The following RBFOX3 variants were observed in gnomAD, a reference collection of about 807,000 sequenced individuals.
RBFOX3 encodes RNA binding fox-1 homolog 3, also known as RNA binding protein fox-1 homolog 3.
Under a neutral mutation model 48.7 loss-of-function variants are expected in RBFOX3, and 17 were observed. The ratio of observed to expected loss-of-function variants is 0.35; its 90% CI spans 0.24 to 0.52. The LOEUF is 0.52. Among genes scored for constraint, RBFOX3 ranks in the 20% least tolerant of loss-of-function variants. The pLI is 0.94. For synonymous variants in RBFOX3, 212 were observed against 209.5 expected (o/e 1.01, Z -0.10); for missense variants, 382 against 497.5 (o/e 0.77, Z 2.21).
At chr17:79,605,281 G>T (rs995576393) in intron 1 of RBFOX3, among the ~76,000 whole-genome samples, 62 of 152,194 alleles carry the variant, frequency 4.1e-4, no homozygotes, top group African/African-American at 1.5e-3. Flanking sequence ...TACATGTTAT[G>T]ATCTCAACTG....
chr17:79,622,766 C>T, the RBFOX3 span, among the ~76,000 whole-genome samples: 4 of 152,226 alleles, frequency 2.6e-5, no homozygotes, highest in Admixed American at 1.3e-4. Context: ...TCTCCAAACA[C>T]GGTCACACGC....
At chr17:79,446,936 G>C (rs1229619043) in intron 2 of RBFOX3, among the ~76,000 whole-genome samples, 1 of 152,192 alleles carries the variant, frequency 6.6e-6, no homozygotes, top group East Asian at 1.9e-4. Flanking sequence ...GAGAAGCCAA[G>C]GACTCTCCTG....
At chr17:79,497,514 T>C (rs1363066615) in intron 1 of RBFOX3, among the ~76,000 whole-genome samples, 1 of 152,202 alleles carries the variant, frequency 6.6e-6, no homozygotes, top group East Asian at 1.9e-4. Flanking sequence ...GAGACCTGCC[T>C]CGGTGAGTTT....
At chr17:79,309,721 G>A (rs901696376) in intron 2 of RBFOX3, among the ~76,000 whole-genome samples, 8 of 152,140 alleles carry the variant, frequency 5.3e-5, no homozygotes, top group Admixed American at 2.0e-4. Context: ...GGATCATGGC[G>A]GCAGTTTCCC....
At chr17:79,641,279 T>C in the RBFOX3 span, among the ~76,000 whole-genome samples, 1 of 152,284 alleles carries the variant, frequency 6.6e-6, no homozygotes, top group Middle Eastern at 3.4e-3. Flanking sequence ...AGGATGGCTA[T>C]TATCAAAAAG....
At chr17:79,663,586 G>T in the RBFOX3 span, among the ~76,000 whole-genome samples, 2 of 152,068 alleles carry the variant, frequency 1.3e-5, no homozygotes, top group African/African-American at 4.8e-5. Flanking sequence ...TTGCCACTTC[G>T]CCCAGACCTC....
intron 3 of RBFOX3, among the ~76,000 whole-genome samples, chr17:79,251,720 T>C (rs2063986206): frequency 6.6e-6 from 1 of 152,188 alleles, no homozygotes. Flanking sequence ...GTCGGCTGCA[T>C]GGCAGGTTCC....
At chr17:79,227,189 G>GT (rs2060407123) in intron 4 of RBFOX3, among the ~76,000 whole-genome samples, 1 of 152,220 alleles carries the variant, frequency 6.6e-6, no homozygotes, top group African/African-American at 2.4e-5. Context: ...GAGACCACCA[G>GT]TTTTGTGTGT....
intron 2 of RBFOX3, among the ~76,000 whole-genome samples, chr17:79,379,949 T>C (rs1474513775): frequency 2.0e-5 from 3 of 152,174 alleles, no homozygotes; most frequent in Non-Finnish European, 4.4e-5. Context: ...CGCACCCTCC[T>C]TGGTACAGCT....
intron 4 of RBFOX3, among the ~76,000 whole-genome samples, chr17:79,147,351 G>C (rs1464671762): frequency 2.0e-5 from 3 of 152,234 alleles, no homozygotes; most frequent in Non-Finnish European, 4.4e-5. Context: ...AAACCCAGAT[G>C]TAGAGAAGAT....
chr17:79,592,431 G>A (rs957118627), intron 1 of RBFOX3, among the ~76,000 whole-genome samples: 60 of 151,792 alleles, frequency 4.0e-4, no homozygotes, highest in African/African-American at 1.3e-3. Context: ...CATGTGTGGT[G>A]CGTGCATATG....
At chr17:79,310,099 T>A (rs932727070) in intron 2 of RBFOX3, among the ~76,000 whole-genome samples, 16 of 152,144 alleles carry the variant, frequency 1.1e-4, no homozygotes, top group African/African-American at 3.6e-4. Context: ...GAATGAGGAA[T>A]GAGGGATGAA....
rs2078700348 is a variant in RBFOX3, at chr17:79,481,006, G to A, written c.-175+1448C>T. Among the ~76,000 whole-genome samples the A allele has an allele frequency of 6.6e-6, 1 of 152,164 alleles. No individual in the cohort carries two copies. The highest frequency in any genetic ancestry group is 1.5e-5 in the Non-Finnish European group (1 of 68,034). Reference sequence around the variant, plus strand: ...ACAATGTAGGGCAGTCTGGATGGATGAGCTACGGCAAGAAGACCCCAAGGA... The same window carrying A: ...ACAATGTAGGGCAGTCTGGATGGATAAGCTACGGCAAGAAGACCCCAAGGA... On this transcript the variant is annotated intron_variant, in intron 2 of 14. Transcript: ENST00000693108. This position sits in a 1 kb window ranked among gnomAD's most constrained non-coding sequence, Gnocchi z 5.4.
chr17:79,571,250 C>T (rs891081744), intron 1 of RBFOX3, among the ~76,000 whole-genome samples: 43 of 152,154 alleles, frequency 2.8e-4, no homozygotes, highest in African/African-American at 1.0e-3. Flanking sequence ...TTGTGGCTTC[C>T]AAATATCCCC....
intron 3 of RBFOX3, among the ~76,000 whole-genome samples, chr17:79,286,690 GTTC>G (rs746816537): frequency 4.4e-4 from 67 of 152,300 alleles, no homozygotes; most frequent in South Asian, 3.5e-3. Flanking sequence ...TGACTTTCTG[GTTC>G]TTCTCCCTTG....
chr17:79,097,823 G>C (rs901633481), intron 9 of RBFOX3, 78 bp from the exon 10 acceptor site: 1 of 1,449,466 alleles, frequency 6.9e-7, no homozygotes, highest in Non-Finnish European at 9.5e-7. Context: ...GGGAACCCCA[G>C]CGACACCGGT....
At chr17:79,487,913 G>GAAAAAAAAAAAAAAAAAA (rs60345819) in intron 1 of RBFOX3, among the ~76,000 whole-genome samples, 23 of 76,906 alleles carry the variant, frequency 3.0e-4, no homozygotes, top group African/African-American at 6.7e-4. Context: ...CCCCATCTCA[G>GAAAAAAAAAAAAAAAAAA]AAAAAAAAAA....
chr17:79,176,877 AG>A (rs570317030), intron 4 of RBFOX3, among the ~76,000 whole-genome samples: 2 of 152,360 alleles, frequency 1.3e-5, no homozygotes, highest in South Asian at 4.1e-4. Flanking sequence ...TAAAGGCAGA[AG>A]AAAAAGGGTT....
At chr17:79,232,021 A>G (rs955523959) in intron 4 of RBFOX3, among the ~76,000 whole-genome samples, 1 of 152,212 alleles carries the variant, frequency 6.6e-6, no homozygotes, top group Non-Finnish European at 1.5e-5. Context: ...GGCAGGAGAC[A>G]GAATGAGCGC....
Sources: gnomAD v4.1 joint callset for allele counts (sites outside exome capture counted in the v4.1 genomes callset) on GRCh38, gnomAD v4.1.1 for gene constraint, Gnocchi (gnomAD v3.1) non-coding constraint, MANE v1.5 for transcripts, NCBI Gene and HGNC (gene_info 2026-07-23, HGNC 2026-07-21) for gene names.